Variants in PTPRD observed in about 807,000 individuals in gnomAD.
PTPRD encodes receptor-type tyrosine-protein phosphatase delta.
A neutral mutation model predicts 214.5 loss-of-function variants in PTPRD; 34 were observed. That is an observed-to-expected ratio of 0.16 (90% CI 0.12 to 0.21). The LOEUF is 0.21. Among genes scored for constraint, PTPRD ranks in the 10% least tolerant of loss-of-function variants. The pLI, the probability that PTPRD is intolerant of heterozygous loss-of-function variation, is 1.00. For missense variants in PTPRD, 2,545 were observed against 2,398.7 expected, an observed-to-expected ratio of 1.06 and a Z score of -1.27; for synonymous variants, 1,128 against 845.7, an observed-to-expected ratio of 1.33 and a Z score of -5.79.
chr9:9,499,566 A>C (rs1208141319), intron 8 of PTPRD, among the ~76,000 whole-genome samples: 1 of 152,070 alleles, frequency 6.6e-6, no homozygotes, highest in Non-Finnish European at 1.5e-5. Context: ...TTTGCTGGTA[A>C]AGTTGGCTAA....
chr9:8,957,192 T>A (rs906504711), intron 11 of PTPRD, among the ~76,000 whole-genome samples: 7 of 151,860 alleles, frequency 4.6e-5, no homozygotes, highest in African/African-American at 1.2e-4. Context: ...TCCTTTCATA[T>A]AACTTTCACG....
Position 8,872,402 on chromosome 9 carries a change from C to CA in PTPRD, c.-103-138457dup, listed in dbSNP as rs1376719805. On this transcript the variant is annotated intron_variant, in intron 11 of 45. Coordinates refer to ENST00000381196, the MANE Select transcript of PTPRD (RefSeq NM_002839.4). Reference sequence around the variant, plus strand: ...TTCTCTGCTCAATGTTGTTCTCTCACATGATTGAGTATTTTTTTGTTAACA... The same window carrying CA: ...TTCTCTGCTCAATGTTGTTCTCTCACAATGATTGAGTATTTTTTTGTTAACA... Among the ~76,000 whole-genome samples, 10 of 152,304 alleles carry CA rather than the reference C, an allele frequency of 6.6e-5. No individual in the cohort carries two copies. In the East Asian group the frequency reaches 1.9e-3, roughly 29 times the overall value.
chr9:9,627,747 G>C (rs913752188), intron 7 of PTPRD, among the ~76,000 whole-genome samples: 6 of 152,164 alleles, frequency 3.9e-5, no homozygotes, highest in African/African-American at 1.4e-4. Context: ...TTTGAGATCA[G>C]TTCTTCCCCA....
chr9:9,528,155 G>C lies in PTPRD; in HGVS notation c.-237+46577C>G, dbSNP rs193071832. ...AGGGCAGAGTAAGAGAGAGGAGTAA[G>C]CTGCAGAGAGAGATAATTCTGTAGA... is the stretch of plus-strand genomic sequence containing the variant. On this transcript the variant is annotated intron_variant, in intron 8 of 45. Coordinates refer to ENST00000381196, the MANE Select transcript of PTPRD (RefSeq NM_002839.4). Among the ~76,000 whole-genome samples, 180 of 152,318 alleles carry C rather than the reference G, an allele frequency of 1.2e-3. 1 individual carries two copies. Among genetic ancestry groups the C allele is most frequent in the African/African-American group, 3.9e-3 (161 of 41,564 alleles).
At chr9:9,083,430 G>A (rs936324854) in intron 10 of PTPRD, among the ~76,000 whole-genome samples, 1 of 152,054 alleles carries the variant, frequency 6.6e-6, no homozygotes, top group Non-Finnish European at 1.5e-5. Context: ...TTCAATGTAA[G>A]ACCCCATACT....
chr9:8,773,599 T>C (rs2117329), intron 11 of PTPRD, among the ~76,000 whole-genome samples: 102,815 of 152,054 alleles, frequency 0.68, 34,862 homozygotes, highest in Middle Eastern at 0.76. Flanking sequence ...GTCAGAATTA[T>C]CTTTTCACAA....
chr9:8,316,046 T>A lies in PTPRD; in HGVS notation c.*1828A>T. ...GTTACTAAAATAAGTTTGGTGCAGTTACTGCATGTTCCAGAGCGGATTTGG... is the reference window on the plus strand; with the variant it reads ...GTTACTAAAATAAGTTTGGTGCAGTAACTGCATGTTCCAGAGCGGATTTGG... On this transcript the variant is annotated 3_prime_UTR_variant, in exon 46 of 46. Coordinates refer to ENST00000381196, the MANE Select transcript of PTPRD (RefSeq NM_002839.4). The A allele has an allele frequency of 4.4e-6, 1 of 228,804 alleles. No homozygotes were observed. 14.2% of individuals were successfully genotyped at this position (228,804 alleles called of 1,614,324 possible). A position where few individuals can be genotyped will look rare whatever the true frequency, so the allele number is the denominator to read the frequency against.
rs559822634 is a variant in PTPRD at position 8,338,100 on chromosome 9, A to C, written c.5379+822T>G. Among the ~76,000 whole-genome samples, 4 of 152,190 alleles carry C rather than the reference A, an allele frequency of 2.6e-5. No homozygotes were observed. In the East Asian group the frequency reaches 7.7e-4, roughly 29 times the overall value. ...AATCTCCAAACCTAAGTTTGGAGAA[A>C]GCTGCTTTCCAGAAAAAACAATGGA... On this transcript the variant is annotated intron_variant, in intron 43 of 45. Transcript: ENST00000381196.
At chr9:10,200,271 A>G in intron 3 of PTPRD, among the ~76,000 whole-genome samples, 1 of 152,148 alleles carries the variant, frequency 6.6e-6, no homozygotes, top group East Asian at 1.9e-4. Flanking sequence ...ATAGACTGAT[A>G]AGCTGACTGG....
At chr9:9,747,580 C>G (rs1247378095) in intron 6 of PTPRD, among the ~76,000 whole-genome samples, 1 of 132,784 alleles carries the variant, frequency 7.5e-6, no homozygotes, top group East Asian at 2.3e-4. Context: ...GAGTTTCACT[C>G]TTTTCGCCCA....
intron 11 of PTPRD, among the ~76,000 whole-genome samples, chr9:8,984,812 T>C (rs1428224856): frequency 1.3e-5 from 2 of 152,122 alleles, no homozygotes; most frequent in Admixed American, 6.6e-5. Context: ...GCATTTATTT[T>C]ACAAAGCTTG....
At chr9:8,688,040 A>G (rs1366775337) in intron 12 of PTPRD, among the ~76,000 whole-genome samples, 1 of 152,220 alleles carries the variant, frequency 6.6e-6, no homozygotes, top group Non-Finnish European at 1.5e-5. Flanking sequence ...ATATAATGAC[A>G]ATATGAGAGT....
At chr9:9,256,138 G>C (rs1003965902) in intron 9 of PTPRD, among the ~76,000 whole-genome samples, 1 of 151,960 alleles carries the variant, frequency 6.6e-6, no homozygotes, top group Non-Finnish European at 1.5e-5. Flanking sequence ...AACTTGTATA[G>C]AGTGGCCTTA....
chr9:9,590,475 A>G (rs952974791), intron 7 of PTPRD, among the ~76,000 whole-genome samples: 74 of 152,036 alleles, frequency 4.9e-4, no homozygotes, highest in African/African-American at 1.8e-3. Context: ...CATTATAAAA[A>G]GACTACTTCT....
chr9:9,597,356 T>C (rs1405373832), intron 7 of PTPRD, among the ~76,000 whole-genome samples: 2 of 152,036 alleles, frequency 1.3e-5, no homozygotes, highest in East Asian at 1.9e-4. Context: ...AGACAACTTA[T>C]ACTTTTAAAT....
intron 3 of PTPRD, among the ~76,000 whole-genome samples, chr9:10,138,907 A>C (rs2154264980): frequency 6.6e-6 from 1 of 152,202 alleles, no homozygotes; most frequent in East Asian, 1.9e-4. Context: ...TCAAAATAAT[A>C]AGAGCCATCT....
chr9:10,512,734 C>A (rs763634449), intron 2 of PTPRD, among the ~76,000 whole-genome samples: 2 of 151,950 alleles, frequency 1.3e-5, no homozygotes, highest in African/African-American at 2.4e-5. Context: ...GAGAAAAATA[C>A]AAGCTACCTA....
chr9:8,957,091 G>C (rs1029727521), intron 11 of PTPRD, among the ~76,000 whole-genome samples: 5 of 151,814 alleles, frequency 3.3e-5, no homozygotes, highest in African/African-American at 4.8e-5. Context: ...TACTACATCA[G>C]TAGTCAAATC....
chr9:8,678,468 A>T (rs2097482603), intron 12 of PTPRD, among the ~76,000 whole-genome samples: 1 of 152,084 alleles, frequency 6.6e-6, no homozygotes, highest in Non-Finnish European at 1.5e-5. Flanking sequence ...TCTCTTCTTG[A>T]TTCAGTCTTC....
Sources: allele counts gnomAD v4.1 joint callset (sites outside exome capture counted in the v4.1 genomes callset), GRCh38; gene constraint gnomAD v4.1.1; transcripts MANE v1.5; gene names NCBI Gene and HGNC (gene_info 2026-07-23, HGNC 2026-07-21).